OCA2: variants seen among roughly 807,000 people sequenced by gnomAD.
OCA2 encodes the protein OCA2 melanosomal transmembrane protein.
OCA2 carries 77 observed loss-of-function variants against 100.2 expected under a neutral mutation model. The observed-to-expected ratio is 0.77, with a 90% CI of 0.64 to 0.93. The LOEUF (loss-of-function observed/expected upper bound fraction) is 0.93, where lower values mean the gene tolerates loss of function less well. Among genes scored for constraint, OCA2 ranks in the 40% least tolerant of loss-of-function variants. The pLI is 0.00. For missense variants in OCA2, 1,062 were observed against 1,089.1 expected, an observed-to-expected ratio of 0.98 and a Z score of 0.35; for synonymous variants, 432 against 439.2, an observed-to-expected ratio of 0.98 and a Z score of 0.21.
At chr15:28,002,006 T>C (rs1215741357) in intron 9 of OCA2, among the ~76,000 whole-genome samples, 1 of 152,114 alleles carries the variant, frequency 6.6e-6, no homozygotes, top group Admixed American at 6.5e-5. Context: ...TGCACCAAGA[T>C]GTTCAAGTAG....
At chr15:27,752,679 A>C (rs2030104932), downstream of OCA2, among the ~76,000 whole-genome samples, 1 of 150,054 alleles carries the variant, frequency 6.7e-6, no homozygotes, top group Non-Finnish European at 1.5e-5. Context: ...GATGATTCCC[A>C]CAGCCCACCC....
intron 19 of OCA2, among the ~76,000 whole-genome samples, chr15:27,874,226 T>A (rs533358696): frequency 6.6e-6 from 1 of 152,244 alleles, no homozygotes; most frequent in African/African-American, 2.4e-5. Context: ...GGAATCTCTC[T>A]CCCCACGAAA....
chr15:27,888,856 C>G (rs756939964), intron 19 of OCA2, among the ~76,000 whole-genome samples: 28 of 152,204 alleles, frequency 1.8e-4, no homozygotes, highest in Non-Finnish European at 2.9e-4. Context: ...GGGTCTGTTA[C>G]AACCTTTATC....
intron 21 of OCA2, among the ~76,000 whole-genome samples, chr15:27,870,387 C>T (rs1034403625): frequency 6.6e-6 from 1 of 152,202 alleles, no homozygotes; most frequent in African/African-American, 2.4e-5. Context: ...GTGCAAGCCC[C>T]TGGGCCTATC....
At position 27,979,363 on chromosome 15, in the gene OCA2, G is replaced by C. The variant is rs116172304; in HGVS notation, c.1503+3982C>G. Among the ~76,000 whole-genome samples, 1,108 of 152,266 alleles carry C rather than the reference G, an allele frequency of 7.3e-3. 20 individuals carry two copies. Among genetic ancestry groups the C allele is most frequent in the African/African-American group, 0.025 (1,024 of 41,556 alleles). The stretch of plus-strand genomic sequence containing the variant: ...TGAGGAGCATCTATAGTTGGATGGG[G>C]CTTGTTTGTTTGATCTGACAATCCC... On this transcript the variant is annotated intron_variant, in intron 14 of 23. Coordinates refer to ENST00000354638, the MANE Select transcript of OCA2 (RefSeq NM_000275.3).
At chr15:27,720,882 T>C in the OCA2 span, among the ~76,000 whole-genome samples, 1 of 152,146 alleles carries the variant, frequency 6.6e-6, no homozygotes, top group Non-Finnish European at 1.5e-5. Context: ...GTACATACCA[T>C]ATTTACTTCC....
At chr15:28,011,702 G>A (rs1384355924) in intron 9 of OCA2, among the ~76,000 whole-genome samples, 1 of 151,588 alleles carries the variant, frequency 6.6e-6, no homozygotes, top group Non-Finnish European at 1.5e-5. Flanking sequence ...GATCACTTGA[G>A]GTCAGGAGTT....
At chr15:27,993,030 G>A (rs1387520267) in intron 9 of OCA2, among the ~76,000 whole-genome samples, 1 of 152,114 alleles carries the variant, frequency 6.6e-6, no homozygotes, top group African/African-American at 2.4e-5. Context: ...AGTCTGAGGT[G>A]GGAGAATTGC....
chr15:28,017,926 A>G (rs2042450867), intron 7 of OCA2, among the ~76,000 whole-genome samples: 1 of 152,110 alleles, frequency 6.6e-6, no homozygotes, highest in Non-Finnish European at 1.5e-5. Flanking sequence ...CAGGATGTGA[A>G]TGAAGGCTTG....
At chr15:28,016,915 ACAAACCCACCCCCAG>A (rs1301459021) in intron 7 of OCA2, among the ~76,000 whole-genome samples, 1 of 152,140 alleles carries the variant, frequency 6.6e-6, no homozygotes, top group African/African-American at 2.4e-5. Flanking sequence ...CCTGGAGGCA[ACAAACCCACCCCCAG>A]CAAACCTTCC....
At chr15:27,912,013 C>T (rs141554019) in intron 19 of OCA2, among the ~76,000 whole-genome samples, 2,064 of 152,230 alleles carry the variant, frequency 0.014, 18 homozygotes, top group Non-Finnish European at 0.023. Flanking sequence ...AATTCTGTAA[C>T]TACTTTAGGT....
At chr15:27,859,106 C>T (rs551553381) in intron 21 of OCA2, among the ~76,000 whole-genome samples, 43 of 151,976 alleles carry the variant, frequency 2.8e-4, no homozygotes, top group African/African-American at 1.0e-3. Flanking sequence ...TAACTTCACA[C>T]CTTAAGAAAC....
intron 21 of OCA2, 59 bp from the exon 22 acceptor site, chr15:27,851,534 CTGTGACCAATT>C: frequency 1.5e-6 from 2 of 1,346,062 alleles, no homozygotes; most frequent in Non-Finnish European, 2.1e-6. Context: ...AGCTGCCATA[CTGTGACCAATT>C]TAGAAAATCC....
chr15:27,734,531 C>A, the OCA2 span, among the ~76,000 whole-genome samples: 2 of 152,302 alleles, frequency 1.3e-5, no homozygotes, highest in African/African-American at 4.8e-5. Context: ...CAGCACCAGA[C>A]AGATCCCCAT....
chr15:28,082,295 A>G (rs1376079922), intron 1 of OCA2, among the ~76,000 whole-genome samples: 6 of 152,186 alleles, frequency 3.9e-5, no homozygotes, highest in Non-Finnish European at 8.8e-5. Context: ...TGGCTACCCC[A>G]ACACGCTGGA....
rs572631629 is a variant in OCA2 at position 28,066,009 on chromosome 15, C to T, written c.227+15639G>A. On this transcript the variant is annotated intron_variant, in intron 2 of 23. Coordinates refer to ENST00000354638, the MANE Select transcript of OCA2 (RefSeq NM_000275.3). ...GACATGATTATTTACTTAGAAAATC[C>T]CCCACAAAAAAATCTACAAACAAAA... Among the ~76,000 whole-genome samples the T allele has an allele frequency of 1.3e-3, 200 of 151,590 alleles. 1 individual carries two copies. Among genetic ancestry groups the T allele is most frequent in the Non-Finnish European group, 2.4e-3 (163 of 67,872 alleles).
At chr15:27,845,173 A>C in intron 22 of OCA2, 121 bp from the exon 23 acceptor site, 1 of 802,058 alleles carries the variant, frequency 1.2e-6, no homozygotes, top group Non-Finnish European at 2.1e-6. Context: ...TTATAGTCAA[A>C]GTGACCGCTT....
chr15:27,863,718 C>T (rs1235114382), intron 21 of OCA2, among the ~76,000 whole-genome samples: 4 of 152,208 alleles, frequency 2.6e-5, no homozygotes, highest in African/African-American at 9.7e-5. Flanking sequence ...TTTCTCTTTG[C>T]TTTTGTTCTG....
At chr15:27,740,057 G>C in the OCA2 span, among the ~76,000 whole-genome samples, 1 of 152,142 alleles carries the variant, frequency 6.6e-6, no homozygotes, top group Non-Finnish European at 1.5e-5. Flanking sequence ...AAAACAAATT[G>C]GATGTTGTCT....
Sources: allele counts gnomAD v4.1 joint callset (sites outside exome capture counted in the v4.1 genomes callset), GRCh38; gene constraint gnomAD v4.1.1; transcripts MANE v1.5; gene names NCBI Gene and HGNC (gene_info 2026-07-23, HGNC 2026-07-21).